The following PRDM2 variants were observed in gnomAD, a reference collection of about 807,000 sequenced individuals.
PRDM2 encodes PR/SET domain 2, also known as PR domain zinc finger protein 2.
PRDM2 carries 30 observed loss-of-function variants against 130.0 expected under a neutral mutation model. That is an observed-to-expected ratio of 0.23 (90% CI 0.17 to 0.31). PRDM2 has a LOEUF of 0.31. PRDM2 is among the 10% of genes least tolerant of loss of function. The pLI is 1.00. For missense variants in PRDM2, 2,011 were observed against 2,108.4 expected, an observed-to-expected ratio of 0.95 and a Z score of 0.90; for synonymous variants, 871 against 782.4, an observed-to-expected ratio of 1.11 and a Z score of -1.89.
intron 8 of PRDM2, among the ~76,000 whole-genome samples, chr1:13,784,652 G>C (rs1644696967): frequency 6.6e-6 from 1 of 152,186 alleles, no homozygotes; most frequent in Admixed American, 6.5e-5. Flanking sequence ...TAAAAATCAT[G>C]TCTCTTCTTT....
chr1:13,818,056 G>A (rs1645285597), intron 9 of PRDM2, among the ~76,000 whole-genome samples: 1 of 152,166 alleles, frequency 6.6e-6, no homozygotes. Context: ...ATGGGAGGGA[G>A]GGGACTGGCC....
chr1:13,806,613 G>A lies in PRDM2; in HGVS notation c.5037-9814G>A, dbSNP rs1460697247. Reference sequence around the variant, plus strand: ...CATCAGCAGATCCCCAAACTCACCCGGAATCCACAGCTTCTCTCAGCTCAG... The same window carrying A: ...CATCAGCAGATCCCCAAACTCACCCAGAATCCACAGCTTCTCTCAGCTCAG... On this transcript the variant is annotated intron_variant, in intron 8 of 9. Transcript: ENST00000311066. The surrounding 1 kb of genome is among the most constrained non-coding windows in gnomAD (Gnocchi z 4.1). Among the ~76,000 whole-genome samples the A allele has an allele frequency of 6.6e-6, 1 of 152,044 alleles. No individual in the cohort carries two copies. Among genetic ancestry groups the A allele is most frequent in the Non-Finnish European group, 1.5e-5 (1 of 67,998 alleles).
chr1:13,794,627 G>C (rs1051123436), intron 8 of PRDM2, among the ~76,000 whole-genome samples: 1 of 152,166 alleles, frequency 6.6e-6, no homozygotes, highest in East Asian at 1.9e-4. Flanking sequence ...GAATTGCCAC[G>C]AAGACAACTT....
intron 2 of PRDM2, 51 bp from the exon 3 acceptor site, chr1:13,730,949 G>T: frequency 4.7e-6 from 6 of 1,284,526 alleles, no homozygotes; most frequent in Non-Finnish European, 6.4e-6. Context: ...AAAAACCCAT[G>T]ATTTGAGTTT....
chr1:13,778,646 A>G lies in PRDM2; in HGVS notation c.851A>G (p.Asp284Gly), dbSNP rs1557645427. ...EEEDEEEEED[D>G]DDDELEDEGE... The stretch of plus-strand genomic sequence containing the variant: ...GAGGATGAAGAAGAAGAAGAAGATG[A>G]TGATGATGATGAGTTGGAAGACGAG... The change falls in exon 8 of 10, where the codon GAT (aspartate) becomes GGT (glycine). Residue 284 changes from aspartate (D) to glycine (G), a missense_variant. Physicochemically the swap from Asp to Gly is moderately conservative, Grantham distance 94. This residue lies in a region of PRDM2 where 1,288 missense variants were observed against 1,237.7 expected (regional missense o/e 1.04). Transcript: ENST00000311066. 6.2e-7 allele frequency: 1 copy of G among 1,613,550 alleles called. No homozygotes were observed. The highest frequency in any genetic ancestry group is 8.5e-7 in the Non-Finnish European group (1 of 1,179,592).
Position 13,780,255 on chromosome 1 carries a change from C to G in PRDM2, c.2460C>G (p.Asn820Lys). The change falls in exon 8 of 10, where the codon AAC becomes AAG. Residue 820 changes from asparagine to lysine, a missense_variant. Coordinates refer to ENST00000311066, the MANE Select transcript of PRDM2 (RefSeq NM_001393986.1). The stretch of plus-strand genomic sequence containing the variant: ...GTTCTGCTTTTAGCAGTGTGTGCAA[C>G]CAGCAGCCACTGGATTTATCCAGCG... ...TASSAFSSVC[N>K]QQPLDLSSGV... 3 of 1,613,714 alleles carry G rather than the reference C, an allele frequency of 1.9e-6. No homozygotes were observed. The highest frequency in any genetic ancestry group is 1.7e-6 in the Non-Finnish European group (2 of 1,179,810).
At chr1:13,783,113 T>A in intron 8 of PRDM2, 1 of 642,580 alleles carries the variant, frequency 1.6e-6, no homozygotes, top group Admixed American at 2.7e-5. Flanking sequence ...AAAAGTACTC[T>A]AAGAAAAGAT....
At position 13,824,614 on chromosome 1, in the gene PRDM2, G is replaced by A. The variant is rs1418026895; in HGVS notation, c.*1479G>A. The A allele has an allele frequency of 1.3e-5, 2 of 152,136 alleles. No homozygotes were observed. Among genetic ancestry groups the A allele is most frequent in the African/African-American group, 4.8e-5 (2 of 41,434 alleles). 9.4% of individuals were successfully genotyped at this position (152,136 alleles called of 1,614,324 possible). A position where few individuals can be genotyped will look rare whatever the true frequency, so the allele number is the denominator to read the frequency against. Reference sequence around the variant, plus strand: ...GTTTCCCACCCAGCTAAAAACCGTTGTTTGCTTTAAATTTTCATAAACTGG... The same window carrying A: ...GTTTCCCACCCAGCTAAAAACCGTTATTTGCTTTAAATTTTCATAAACTGG... On this transcript the variant is annotated 3_prime_UTR_variant, in exon 10 of 10. Coordinates refer to ENST00000311066, the MANE Select transcript of PRDM2 (RefSeq NM_001393986.1).
rs1449681433 is a variant in PRDM2, at chr1:13,823,179, C to T, written c.*44C>T. 6.2e-7 allele frequency: 1 copy of T among 1,613,470 alleles called. No homozygotes were observed. The highest frequency in any genetic ancestry group is 1.7e-5 in the Admixed American group (1 of 59,966). ...CTCAGCACCTGAAGTGACCTGGAATCAGTGAAGCCAAAGGGACTGGCAGTC... is the reference window on the plus strand; with the variant it reads ...CTCAGCACCTGAAGTGACCTGGAATTAGTGAAGCCAAAGGGACTGGCAGTC... On this transcript the variant is annotated 3_prime_UTR_variant, in exon 10 of 10. Transcript: ENST00000311066.
intron 5 of PRDM2, 147 bp downstream of exon 5, chr1:13,742,304 C>T (rs574887792): frequency 8.9e-6 from 8 of 895,692 alleles, no homozygotes; most frequent in East Asian, 2.7e-5. Context: ...CAGCCTTGGG[C>T]GATCCTCGGA....
chr1:13,782,858 A>G, intron 8 of PRDM2, 27 bp downstream of exon 8: 1 of 1,606,590 alleles, frequency 6.2e-7, no homozygotes, highest in Non-Finnish European at 8.5e-7. Flanking sequence ...GTGGGAGGGA[A>G]AGACCGGGAA....
At chr1:13,787,648 T>C (rs1644768343) in intron 8 of PRDM2, 5 of 967,606 alleles carry the variant, frequency 5.2e-6, no homozygotes, top group African/African-American at 1.8e-5. Context: ...AAATAAAATA[T>C]TTAAAATTAT....
Position 13,782,183 on chromosome 1 carries a change from A to T in PRDM2, c.4388A>T (p.Glu1463Val), listed in dbSNP as rs750377059. ...CACATCTGCCCTTACTGTAATCGAG[A>T]GTTCACTTACATTGGAAGCCTGAAT... Reference protein sequence around the residue: ...SSHICPYCNREFTYIGSLNKH... With the variant: ...SSHICPYCNRVFTYIGSLNKH... The change falls in exon 8 of 10, where the codon GAG becomes GTG. Residue 1463 changes from glutamate (E) to valine (V), a missense_variant. By Grantham distance (121) the Glu-to-Val change is moderately radical. Transcript: ENST00000311066. 1 of 1,613,706 alleles carries T rather than the reference A, an allele frequency of 6.2e-7. No homozygotes were observed. Among genetic ancestry groups the T allele is most frequent in the East Asian group, 2.2e-5 (1 of 44,870 alleles).
rs751265870 is a variant in PRDM2, at chr1:13,816,472, G to A, written c.5082G>A (p.Pro1694=). The change falls in exon 9 of 10, where the codon CCG becomes CCA. Residue 1694 remains proline, a synonymous_variant. Coordinates refer to ENST00000311066, the MANE Select transcript of PRDM2 (RefSeq NM_001393986.1). The part of the protein sequence containing the change: ...LASRCSPPAA[P]YITRQYRKVK... ...CCCGATGCTCTCCACCAGCGGCCCC[G>A]TACATCACCAGGCAGTATAGGAAGG... is the stretch of plus-strand genomic sequence containing the variant. 15 of 1,613,966 alleles carry A rather than the reference G, an allele frequency of 9.3e-6. No individual in the cohort carries two copies. Among genetic ancestry groups the A allele is most frequent in the South Asian group, 6.6e-5 (6 of 91,086 alleles).
In PRDM2 at chr1:13,773,173, A is replaced by G. The variant is rs1410719762; in HGVS notation, c.607A>G (p.Arg203Gly). The change falls in exon 7 of 10, where the codon AGA becomes GGA. Residue 203 changes from arginine (R) to glycine (G), a missense_variant. By Grantham distance (125) the Arg-to-Gly change is moderately radical. Transcript: ENST00000311066. ...GCCAGATTTCACCTCTGCAAATATG[A>G]GAGATTCTGCAGAAGGTAAGCTTGT... ...SEPDFTSANM[R>G]DSAEGPKEDE... The G allele has an allele frequency of 6.4e-7, 1 of 1,557,000 alleles. No homozygotes were observed. Among genetic ancestry groups the G allele is most frequent in the South Asian group, 1.3e-5 (1 of 79,294 alleles).
intron 6 of PRDM2, among the ~76,000 whole-genome samples, chr1:13,756,625 C>G (rs1368932679): frequency 2.6e-5 from 4 of 152,086 alleles, no homozygotes; most frequent in Non-Finnish European, 5.9e-5. Flanking sequence ...TTCTTTTTGC[C>G]ACCCAGATTA....
intron 1 of PRDM2, among the ~76,000 whole-genome samples, chr1:13,713,309 G>A (rs1166174542): frequency 6.6e-6 from 1 of 152,210 alleles, no homozygotes; most frequent in Non-Finnish European, 1.5e-5. Flanking sequence ...CATAGTGGGT[G>A]CTCATGGGGA....
At chr1:13,751,921 A>G (rs896402230) in intron 6 of PRDM2, among the ~76,000 whole-genome samples, 4 of 152,054 alleles carry the variant, frequency 2.6e-5, no homozygotes, top group African/African-American at 9.7e-5. Flanking sequence ...TATACAAAGT[A>G]GTGGCCCCTT....
At position 13,767,268 on chromosome 1, in the gene PRDM2, C is replaced by CT. The variant is rs139182449; in HGVS notation, c.512-5798dup. 1.8e-3 allele frequency among the ~76,000 whole-genome samples: 257 copies of CT among 142,728 alleles called. 1 individual carries two copies. The highest frequency in any genetic ancestry group is 2.6e-3 in the Non-Finnish European group (167 of 64,912). The allele number at this position is 142,728 out of a possible 152,430, so 93.6% of individuals were successfully genotyped here. ...AAAAAGCATTCCAATTTGATTGTTG[C>CT]TTTTTTTTTTTTAAACTATAAATGC... is the stretch of plus-strand genomic sequence containing the variant. On this transcript the variant is annotated intron_variant, in intron 6 of 9. Coordinates refer to ENST00000311066, the MANE Select transcript of PRDM2 (RefSeq NM_001393986.1).
Sources: allele counts gnomAD v4.1 joint callset (sites outside exome capture counted in the v4.1 genomes callset), GRCh38; gene constraint gnomAD v4.1.1; regional missense constraint gnomAD v4.1.1; non-coding constraint Gnocchi (gnomAD v3.1); transcripts MANE v1.5; gene names NCBI Gene and HGNC (gene_info 2026-07-23, HGNC 2026-07-21).